LAMC1: variants seen among roughly 807,000 people sequenced by gnomAD.
LAMC1 encodes the protein laminin subunit gamma-1.
LAMC1 carries 38 observed loss-of-function variants against 173.6 expected under a neutral mutation model. The observed-to-expected ratio is 0.22, with a 90% CI of 0.17 to 0.29. The LOEUF (loss-of-function observed/expected upper bound fraction) is 0.29. LAMC1 is among the 10% of genes least tolerant of loss of function. LAMC1 has a pLI of 1.00. For synonymous variants in LAMC1, 746 were observed against 749.1 expected (o/e 1.00, Z 0.07); for missense variants, 1,824 against 2,051.8 (o/e 0.89, Z 2.14).
intron 2 of LAMC1, among the ~76,000 whole-genome samples, chr1:183,107,698 C>T (rs184395669): frequency 1.9e-3 from 287 of 152,118 alleles, no homozygotes; most frequent in South Asian, 4.8e-3. Flanking sequence ...GGCGTGGTGG[C>T]GGGCGCCTGT....
chr1:183,034,239 G>A (rs1172470138), intron 1 of LAMC1, among the ~76,000 whole-genome samples: 1 of 152,120 alleles, frequency 6.6e-6, no homozygotes. Context: ...TTTGAGATCA[G>A]ACAAAAACAT....
intron 1 of LAMC1, among the ~76,000 whole-genome samples, chr1:183,088,423 T>G (rs1301062430): frequency 6.6e-6 from 1 of 152,258 alleles, no homozygotes; most frequent in Non-Finnish European, 1.5e-5. Context: ...AACCGGCATA[T>G]TCAATCAAAT....
chr1:183,081,252 G>A (rs1655268340), intron 1 of LAMC1, among the ~76,000 whole-genome samples: 1 of 152,086 alleles, frequency 6.6e-6, no homozygotes, highest in Non-Finnish European at 1.5e-5. Context: ...CAGTTCAGTT[G>A]GCTTCTAAAA....
At chr1:183,070,400 T>C (rs1654981763) in intron 1 of LAMC1, among the ~76,000 whole-genome samples, 1 of 152,174 alleles carries the variant, frequency 6.6e-6, no homozygotes, top group Non-Finnish European at 1.5e-5. Context: ...GGCATCTCTC[T>C]GGCCTGTCAC....
chr1:183,124,638 A>T lies in LAMC1; in HGVS notation c.2409A>T (p.Arg803Ser), dbSNP rs1224884420. The T allele has an allele frequency of 1.9e-6, 3 of 1,613,994 alleles. No individual in the cohort carries two copies. In the African/African-American group the frequency reaches 4.0e-5, roughly 22 times the overall value. The stretch of plus-strand genomic sequence containing the variant: ...AGATTGTCTCATCCCCAGGTAAGAG[A>T]TGTGAGCTCTGTGATGATGGCTACT... ...TNCPTGTTGK[R>S]CELCDDGYFG... The change falls in exon 14 of 28, where the codon AGA becomes AGT. Residue 803 changes from arginine to serine, a missense_variant. Arg to Ser is a moderately radical substitution (Grantham distance 110). Coordinates refer to ENST00000258341, the MANE Select transcript of LAMC1 (RefSeq NM_002293.4).
At chr1:183,122,768 C>T (rs1227322749) in intron 13 of LAMC1, among the ~76,000 whole-genome samples, 1 of 152,158 alleles carries the variant, frequency 6.6e-6, no homozygotes, top group Admixed American at 6.5e-5. Flanking sequence ...AGGGTGAGGA[C>T]AGAGTATTTA....
At chr1:183,106,528 C>G (rs1655982200) in intron 2 of LAMC1, among the ~76,000 whole-genome samples, 1 of 152,158 alleles carries the variant, frequency 6.6e-6, no homozygotes, top group Non-Finnish European at 1.5e-5. Flanking sequence ...AGCTGTGCCT[C>G]CCAGACTCAC....
At chr1:183,083,910 G>T (rs532182784) in intron 1 of LAMC1, among the ~76,000 whole-genome samples, 39 of 152,088 alleles carry the variant, frequency 2.6e-4, no homozygotes, top group Admixed American at 2.4e-3. Flanking sequence ...TTAAATTTGC[G>T]TAAGATTGCT....
chr1:183,095,892 A>T (rs1227900812), intron 1 of LAMC1, among the ~76,000 whole-genome samples: 1 of 152,154 alleles, frequency 6.6e-6, no homozygotes, highest in East Asian at 1.9e-4. Context: ...GATAATGGAA[A>T]TTGTTTGTAC....
chr1:183,104,822 T>C (rs1179198412), intron 2 of LAMC1, among the ~76,000 whole-genome samples: 1 of 152,112 alleles, frequency 6.6e-6, no homozygotes, highest in Admixed American at 6.5e-5. Context: ...GAGCAATGAG[T>C]GTGCTTGCCA....
chr1:183,088,798 G>A (rs2027086), intron 1 of LAMC1, among the ~76,000 whole-genome samples: 76,225 of 152,062 alleles, frequency 0.5, 19,736 homozygotes, highest in South Asian at 0.64. Context: ...GCTTGGAAGG[G>A]GTGAAGACTA....
intron 13 of LAMC1, among the ~76,000 whole-genome samples, chr1:183,124,074 C>G (rs1429837024): frequency 6.6e-6 from 1 of 152,196 alleles, no homozygotes; most frequent in African/African-American, 2.4e-5. Context: ...TCTCTGTTCT[C>G]TGAGCTATAA....
chr1:183,057,129 A>G (rs138635564), intron 1 of LAMC1, among the ~76,000 whole-genome samples: 126 of 152,360 alleles, frequency 8.3e-4, no homozygotes, highest in African/African-American at 2.9e-3. Flanking sequence ...TGAGCTTTCT[A>G]AAGTGTTGTT....
intron 1 of LAMC1, among the ~76,000 whole-genome samples, chr1:183,078,358 G>T (rs1655173599): frequency 6.6e-6 from 1 of 152,058 alleles, no homozygotes; most frequent in Non-Finnish European, 1.5e-5. Context: ...CGAGGCGGTG[G>T]ATCACGAGGT....
At chr1:183,064,921 C>A (rs1053739156) in intron 1 of LAMC1, among the ~76,000 whole-genome samples, 16 of 152,290 alleles carry the variant, frequency 1.1e-4, no homozygotes, top group African/African-American at 3.9e-4. Context: ...GGTGCACTCA[C>A]ACACACCCAC....
In LAMC1 at chr1:183,110,534, G is replaced by A. The variant is rs369500325; in HGVS notation, c.901G>A (p.Asp301Asn). The stretch of plus-strand genomic sequence containing the variant: ...AAGCGAGTGTATGAAGAACGAATTT[G>A]ATAAGCTGGTGTGTAATTGCAAACA... ...HASECMKNEFDKLVCNCKHNT... is the reference protein window; with the variant it reads ...HASECMKNEFNKLVCNCKHNT... Residue 301 changes from aspartate to asparagine, a missense_variant, in exon 4 of 28, where the codon GAT becomes AAT. Transcript: ENST00000258341. The A allele has an allele frequency of 1.4e-5, 22 of 1,613,618 alleles. No individual in the cohort carries two copies. Among genetic ancestry groups the A allele is most frequent in the Non-Finnish European group, 1.8e-5 (21 of 1,179,738 alleles).
chr1:183,050,217 G>C (rs926895417), intron 1 of LAMC1, among the ~76,000 whole-genome samples: 7 of 148,494 alleles, frequency 4.7e-5, no homozygotes, highest in Non-Finnish European at 1.0e-4. Flanking sequence ...CATTGTGACT[G>C]TTGTAATAGT....
At chr1:183,122,911 C>T (rs568929088) in intron 13 of LAMC1, among the ~76,000 whole-genome samples, 2 of 152,218 alleles carry the variant, frequency 1.3e-5, no homozygotes, top group East Asian at 1.9e-4. Flanking sequence ...CTGCCCCACC[C>T]ACCACCTGAG....
chr1:183,072,672 C>CAGCAGGAGGGG (rs1351781293), intron 1 of LAMC1, among the ~76,000 whole-genome samples: 1 of 152,238 alleles, frequency 6.6e-6, no homozygotes, highest in African/African-American at 2.4e-5. Context: ...CTGGGCTGCA[C>CAGCAGGAGGGG]AGCAGGAGGG....
Sources: allele counts gnomAD v4.1 joint callset (sites outside exome capture counted in the v4.1 genomes callset), GRCh38; gene constraint gnomAD v4.1.1; transcripts MANE v1.5; gene names NCBI Gene and HGNC (gene_info 2026-07-23, HGNC 2026-07-21).